Variants in CFDP1 observed in about 807,000 individuals in gnomAD.
CFDP1 encodes the protein heterochromatin-stabilizing protein CFDP1.
In CFDP1, 31 loss-of-function variants were observed where a neutral mutation model predicts 40.1. The observed-to-expected ratio is 0.77, with a 90% confidence interval of 0.58 to 1.04. The LOEUF (loss-of-function observed/expected upper bound fraction) is 1.04, where lower values mean the gene tolerates loss of function less well. Ranked by LOEUF, CFDP1 falls within the 50% of genes least tolerant of loss-of-function variation. The probability of loss-of-function intolerance (pLI) is 0.00; values close to 1 mark genes in which losing one functional copy is unlikely to be tolerated. For synonymous variants in CFDP1, 167 were observed against 120.0 expected, an observed-to-expected ratio of 1.39 and a Z score of -2.56; for missense variants, 423 against 343.4, an observed-to-expected ratio of 1.23 and a Z score of -1.83.
intron 1 of CFDP1, among the ~76,000 whole-genome samples, chr16:75,418,159 A>C (rs985110229): frequency 6.8e-6 from 1 of 147,242 alleles, no homozygotes; most frequent in African/African-American, 2.5e-5. Context: ...GAGCTGAGGC[A>C]GGAGAATTGC....
chr16:75,395,555 A>G (rs1819250251), intron 4 of CFDP1, among the ~76,000 whole-genome samples: 1 of 152,074 alleles, frequency 6.6e-6, no homozygotes, highest in South Asian at 2.1e-4. Flanking sequence ...GCTACTCGGG[A>G]GGCTGAGGCA....
chr16:75,334,382 C>T (rs765188101), intron 5 of CFDP1, among the ~76,000 whole-genome samples: 4 of 151,126 alleles, frequency 2.6e-5, no homozygotes, highest in East Asian at 3.9e-4. Flanking sequence ...TCCCACCTGT[C>T]GAGACAATCC....
chr16:75,369,698 CAG>C (rs1410828150), intron 5 of CFDP1, among the ~76,000 whole-genome samples: 2 of 152,166 alleles, frequency 1.3e-5, no homozygotes, highest in Admixed American at 6.5e-5. Context: ...GTTAAGGAAC[CAG>C]AGTTTCCAAA....
chr16:75,415,088 T>G (rs945477755), intron 1 of CFDP1, among the ~76,000 whole-genome samples: 1 of 152,246 alleles, frequency 6.6e-6, no homozygotes, highest in African/African-American at 2.4e-5. Context: ...AAGAAGAAAC[T>G]GATGCACTAC....
chr16:75,341,133 T>G (rs2078523804), intron 5 of CFDP1, among the ~76,000 whole-genome samples: 1 of 152,220 alleles, frequency 6.6e-6, no homozygotes. Context: ...TCCAGTTAAT[T>G]ATTCCTAATG....
chr16:75,347,975 T>A (rs753881076), intron 5 of CFDP1, among the ~76,000 whole-genome samples: 5 of 152,148 alleles, frequency 3.3e-5, no homozygotes, highest in Non-Finnish European at 5.9e-5. Flanking sequence ...GAAACTGTCA[T>A]GGGGCGGGAG....
chr16:75,412,520 A>G lies in CFDP1; in HGVS notation c.402+15T>C. On this transcript the variant is annotated intron_variant, in intron 3 of 6. Coordinates refer to ENST00000283882, the MANE Select transcript of CFDP1 (RefSeq NM_006324.3). ...TTTCTGGAGAGGCATTCACCTCACT[A>G]ATGTCTCAACTTACCTTAACTTGTG... The G allele has an allele frequency of 6.3e-7, 1 of 1,599,208 alleles. No individual in the cohort carries two copies. Among genetic ancestry groups the G allele is most frequent in the Non-Finnish European group, 8.6e-7 (1 of 1,166,440 alleles).
At chr16:75,382,216 G>A (rs991616635) in intron 5 of CFDP1, among the ~76,000 whole-genome samples, 2 of 151,972 alleles carry the variant, frequency 1.3e-5, no homozygotes, top group Non-Finnish European at 2.9e-5. Flanking sequence ...ACTATATTGG[G>A]ATAGAGTTGT....
intron 4 of CFDP1, among the ~76,000 whole-genome samples, chr16:75,409,852 T>C (rs1277125764): frequency 6.6e-6 from 1 of 152,124 alleles, no homozygotes; most frequent in African/African-American, 2.4e-5. Flanking sequence ...AACATTTCTA[T>C]AAGTGTGACA....
At chr16:75,372,191 A>T (rs1251799277) in intron 5 of CFDP1, 1 of 152,250 alleles carries the variant, frequency 6.6e-6, no homozygotes, top group African/African-American at 2.4e-5. Flanking sequence ...AAAATATAAG[A>T]AGTCCAAAGT....
At chr16:75,406,644 T>C (rs900109926) in intron 4 of CFDP1, 2 of 151,920 alleles carry the variant, frequency 1.3e-5, no homozygotes, top group Non-Finnish European at 2.9e-5. Context: ...TAGGTTGTGA[T>C]GAGCCGAGAT....
intron 5 of CFDP1, among the ~76,000 whole-genome samples, chr16:75,348,058 G>C (rs933328707): frequency 6.6e-6 from 1 of 152,208 alleles, no homozygotes; most frequent in East Asian, 1.9e-4. Flanking sequence ...ACGGTTATTA[G>C]TGGGAAAACT....
intron 6 of CFDP1, among the ~76,000 whole-genome samples, chr16:75,304,482 G>A (rs1017763083): frequency 1.3e-5 from 2 of 152,196 alleles, no homozygotes; most frequent in Non-Finnish European, 2.9e-5. Flanking sequence ...ATTCCACAGC[G>A]AAGAGAAAGA....
At chr16:75,298,971 G>T (rs140926650) in intron 6 of CFDP1, among the ~76,000 whole-genome samples, 12 of 152,272 alleles carry the variant, frequency 7.9e-5, no homozygotes, top group African/African-American at 2.9e-4. Context: ...GCAGCAGCTG[G>T]GACTAGCCAG....
In CFDP1 at chr16:75,366,072, C is replaced by G. The variant is rs1456433303; in HGVS notation, c.650+29018G>C. Among the ~76,000 whole-genome samples the G allele has an allele frequency of 2.0e-5, 3 of 152,160 alleles. No homozygotes were observed. The South Asian group carries it at 6.2e-4, about 32-fold the overall frequency. On this transcript the variant is annotated intron_variant, in intron 5 of 6. Transcript: ENST00000283882. The stretch of plus-strand genomic sequence containing the variant: ...AATGAAAACATGTCCACATAAAGAC[C>G]TGTACACAAAATGTTCATAGCAGCA...
chr16:75,357,512 C>A (rs567836945), intron 5 of CFDP1, among the ~76,000 whole-genome samples: 2 of 152,274 alleles, frequency 1.3e-5, no homozygotes, highest in South Asian at 4.1e-4. Context: ...GCCTTGACTT[C>A]CAAAGTGCTG....
intron 6 of CFDP1, among the ~76,000 whole-genome samples, chr16:75,304,256 T>C (rs150135910): frequency 6.6e-6 from 1 of 152,184 alleles, no homozygotes; most frequent in Non-Finnish European, 1.5e-5. Context: ...TTTAGTAGGA[T>C]GGGGTTTTGC....
chr16:75,373,090 C>A (rs966787232), intron 5 of CFDP1, among the ~76,000 whole-genome samples: 5 of 152,172 alleles, frequency 3.3e-5, no homozygotes, highest in East Asian at 3.9e-4. Context: ...GCTTGACACA[C>A]CTATGCTGGA....
intron 5 of CFDP1, among the ~76,000 whole-genome samples, chr16:75,363,915 T>C (rs2078696078): frequency 2.0e-5 from 3 of 146,852 alleles, no homozygotes; most frequent in Non-Finnish European, 3.0e-5. Flanking sequence ...AGGAAGTTAA[T>C]AGTCTAGTGG....
Sources: allele counts gnomAD v4.1 joint callset (sites outside exome capture counted in the v4.1 genomes callset), GRCh38; gene constraint gnomAD v4.1.1; transcripts MANE v1.5; gene names NCBI Gene and HGNC (gene_info 2026-07-23, HGNC 2026-07-21).